The following TRPM3 variants were observed in gnomAD, a reference collection of about 807,000 sequenced individuals.
The protein encoded by TRPM3 is long transient receptor potential channel 3.
In TRPM3, 77 loss-of-function variants were observed where a neutral mutation model predicts 181.2. The observed-to-expected ratio is 0.42, with a 90% CI of 0.35 to 0.51. The LOEUF is 0.51. Ranked by LOEUF, TRPM3 falls within the 20% of genes least tolerant of loss-of-function variation. The probability of loss-of-function intolerance (pLI) is 0.01; values close to 1 mark genes in which losing one functional copy is unlikely to be tolerated. For synonymous variants in TRPM3, 745 were observed against 796.4 expected (o/e 0.94, Z 1.09); for missense variants, 1,759 against 2,196.7 (o/e 0.80, Z 3.98).
chr9:71,213,356 G>A (rs1565347849), intron 1 of TRPM3, among the ~76,000 whole-genome samples: 1 of 151,816 alleles, frequency 6.6e-6, no homozygotes. Context: ...AAAAACAGCA[G>A]GCTAGATTTT....
chr9:70,943,034 G>A (rs1043444043), intron 1 of TRPM3, among the ~76,000 whole-genome samples: 9 of 151,970 alleles, frequency 5.9e-5, no homozygotes, highest in African/African-American at 1.7e-4. Flanking sequence ...CATTCGAGAT[G>A]TGAATTTCTA....
At chr9:71,043,169 G>T (rs146215335) in intron 1 of TRPM3, among the ~76,000 whole-genome samples, 3 of 152,150 alleles carry the variant, frequency 2.0e-5, no homozygotes, top group African/African-American at 7.2e-5. Context: ...AGGCTAAAAG[G>T]CTGTCTGACA....
chr9:70,567,910 A>G (rs1283308717), intron 22 of TRPM3, among the ~76,000 whole-genome samples: 1 of 152,218 alleles, frequency 6.6e-6, no homozygotes, highest in Non-Finnish European at 1.5e-5. Flanking sequence ...TGCATTCTCA[A>G]TGATCATACA....
chr9:71,069,911 A>AT (rs1172738125), intron 1 of TRPM3, among the ~76,000 whole-genome samples: 1 of 142,512 alleles, frequency 7.0e-6, no homozygotes, highest in African/African-American at 2.4e-5. Context: ...CCCAGCGAAA[A>AT]TTAATTTTTT....
chr9:70,940,326 T>C (rs2096873464), intron 1 of TRPM3, among the ~76,000 whole-genome samples: 1 of 152,242 alleles, frequency 6.6e-6, no homozygotes, highest in Non-Finnish European at 1.5e-5. Flanking sequence ...TGAGCTTTTG[T>C]TCTTCATCAA....
intron 8 of TRPM3, among the ~76,000 whole-genome samples, chr9:70,683,908 T>G (rs1045171649): frequency 2.0e-5 from 3 of 152,206 alleles, no homozygotes; most frequent in Non-Finnish European, 4.4e-5. Flanking sequence ...GCTGGCCCTT[T>G]AAGTCAACTC....
At chr9:70,782,477 G>T (rs940779257) in intron 7 of TRPM3, among the ~76,000 whole-genome samples, 1 of 152,132 alleles carries the variant, frequency 6.6e-6, no homozygotes, top group Non-Finnish European at 1.5e-5. Context: ...CTCCCAAAGT[G>T]CTGGGATTAT....
chr9:71,249,541 CA>C (rs1263184029), intron 1 of TRPM3, among the ~76,000 whole-genome samples: 1 of 152,144 alleles, frequency 6.6e-6, no homozygotes, highest in Non-Finnish European at 1.5e-5. Context: ...TATACACACA[CA>C]AATACGCTAA....
At chr9:70,925,122 TG>T (rs2133338317) in intron 1 of TRPM3, among the ~76,000 whole-genome samples, 1 of 152,324 alleles carries the variant, frequency 6.6e-6, no homozygotes, top group Admixed American at 6.5e-5. Flanking sequence ...TAGCCCTACC[TG>T]CCCCTTTCCA....
chr9:70,876,765 G>T (rs976078163), intron 1 of TRPM3, among the ~76,000 whole-genome samples: 2 of 151,812 alleles, frequency 1.3e-5, no homozygotes, highest in Non-Finnish European at 2.9e-5. Context: ...TATTGTGCTG[G>T]CTTTCTAATT....
At chr9:70,792,345 G>C (rs1324256162) in intron 6 of TRPM3, among the ~76,000 whole-genome samples, 1 of 151,868 alleles carries the variant, frequency 6.6e-6, no homozygotes, top group Non-Finnish European at 1.5e-5. Flanking sequence ...GTAAGCCAAT[G>C]AACAAAAAAG....
intron 7 of TRPM3, among the ~76,000 whole-genome samples, chr9:70,761,983 T>TGA (rs1272553045): frequency 6.6e-6 from 1 of 152,196 alleles, no homozygotes; most frequent in African/African-American, 2.4e-5. Context: ...GTTTTTCATA[T>TGA]GGCATGTGTC....
At chr9:71,157,795 A>G (rs762761314) in intron 1 of TRPM3, among the ~76,000 whole-genome samples, 21 of 152,168 alleles carry the variant, frequency 1.4e-4, no homozygotes, top group Non-Finnish European at 2.4e-4. Context: ...AATTGAGTTA[A>G]AGATATGGTA....
intron 1 of TRPM3, among the ~76,000 whole-genome samples, chr9:71,044,879 G>C (rs1218954627): frequency 6.6e-6 from 1 of 151,872 alleles, no homozygotes; most frequent in East Asian, 2.0e-4. Flanking sequence ...CACCATGTTA[G>C]CCAGGATGAT....
At chr9:71,425,834 T>C (rs2093853271) in intron 1 of TRPM3, among the ~76,000 whole-genome samples, 1 of 152,168 alleles carries the variant, frequency 6.6e-6, no homozygotes, top group African/African-American at 2.4e-5. Context: ...TAGCACTCTT[T>C]GCCTCCTTCT....
intron 6 of TRPM3, among the ~76,000 whole-genome samples, chr9:70,821,792 T>C (rs1027275536): frequency 6.6e-6 from 1 of 152,206 alleles, no homozygotes; most frequent in Admixed American, 6.5e-5. Flanking sequence ...TAAATCAGTT[T>C]CTTTCTCTTG....
intron 1 of TRPM3, among the ~76,000 whole-genome samples, chr9:70,950,551 G>A (rs2096986935): frequency 6.6e-6 from 1 of 152,198 alleles, no homozygotes; most frequent in African/African-American, 2.4e-5. Flanking sequence ...AATCTTTTGG[G>A]AAAATGCAGC....
chr9:71,417,182 TA>T (rs1470754247), intron 1 of TRPM3, among the ~76,000 whole-genome samples: 1 of 151,990 alleles, frequency 6.6e-6, no homozygotes, highest in African/African-American at 2.4e-5. Flanking sequence ...GGCCAAATGG[TA>T]TATGCACGTT....
chr9:70,953,106 A>G (rs978402041), intron 1 of TRPM3, among the ~76,000 whole-genome samples: 2 of 152,188 alleles, frequency 1.3e-5, no homozygotes, highest in African/African-American at 4.8e-5. Context: ...TTGCTACTCA[A>G]CAGAACTTCT....
Sources: gnomAD v4.1 joint callset for allele counts (sites outside exome capture counted in the v4.1 genomes callset) on GRCh38, gnomAD v4.1.1 for gene constraint, MANE v1.5 for transcripts, NCBI Gene and HGNC (gene_info 2026-07-23, HGNC 2026-07-21) for gene names.